MSTO1: variants seen among roughly 807,000 people sequenced by gnomAD.
MSTO1 encodes misato mitochondrial distribution and morphology regulator 1.
A neutral mutation model predicts 55.7 loss-of-function variants in MSTO1; 24 were observed. The ratio of observed to expected loss-of-function variants is 0.43; its 90% CI spans 0.31 to 0.61. The LOEUF is 0.61. Among genes scored for constraint, MSTO1 ranks in the 20% least tolerant of loss-of-function variants. MSTO1 has a pLI of 0.09. For synonymous variants in MSTO1, 162 were observed against 252.8 expected (o/e 0.64, Z 3.41); for missense variants, 363 against 625.7 (o/e 0.58, Z 4.48).
chr1:155,611,160 G>T, intron 3 of MSTO1, 52 bp downstream of exon 3: 1 of 1,473,054 alleles, frequency 6.8e-7, no homozygotes, highest in Non-Finnish European at 9.3e-7. Context: ...TACGCAGAAC[G>T]CTGGATAACT....
the MSTO1 span, among the ~76,000 whole-genome samples, chr1:155,602,715 T>C: frequency 6.6e-6 from 1 of 152,056 alleles, no homozygotes; most frequent in African/African-American, 2.4e-5. Context: ...CATTTATCCA[T>C]GTGAAATAAA....
the MSTO1 span, among the ~76,000 whole-genome samples, chr1:155,587,931 C>T: frequency 2.5e-3 from 386 of 151,866 alleles, 2 homozygotes; most frequent in African/African-American, 7.8e-3. Context: ...GCCAGGTGGG[C>T]GCGGTGGCTC....
the MSTO1 span, among the ~76,000 whole-genome samples, chr1:155,594,660 C>T: frequency 2.0e-5 from 3 of 151,656 alleles, no homozygotes; most frequent in Non-Finnish European, 4.4e-5. Context: ...CTGCATTGCC[C>T]ATCCTGATCT....
upstream of MSTO1, among the ~76,000 whole-genome samples, chr1:155,609,436 G>A (rs1007157102): frequency 1.6e-4 from 24 of 150,330 alleles, no homozygotes; most frequent in Non-Finnish European, 3.1e-4. Context: ...TTTTAGTAGA[G>A]ATGGGGTTTC....
chr1:155,568,752 G>A, the MSTO1 span, among the ~76,000 whole-genome samples: 1 of 151,810 alleles, frequency 6.6e-6, no homozygotes, highest in South Asian at 2.1e-4. Flanking sequence ...TTTTTGTTTT[G>A]TTTTGTTTTG....
At chr1:155,564,481 C>T in the MSTO1 span, among the ~76,000 whole-genome samples, 3 of 151,828 alleles carry the variant, frequency 2.0e-5, no homozygotes, top group Admixed American at 6.6e-5. Context: ...GCAACAAGAG[C>T]GAAACTCCAT....
At chr1:155,591,407 T>C in the MSTO1 span, 1 of 650,844 alleles carries the variant, frequency 1.5e-6, no homozygotes, top group Non-Finnish European at 2.6e-6. Context: ...TCTGGAACTG[T>C]ACAGAGGCAA....
chr1:155,585,331 T>G, the MSTO1 span, among the ~76,000 whole-genome samples: 25 of 152,098 alleles, frequency 1.6e-4, no homozygotes, highest in South Asian at 1.0e-3. Context: ...ATACCATCCT[T>G]GCTAACACGG....
At chr1:155,606,871 G>C (rs2148975451), upstream of MSTO1, among the ~76,000 whole-genome samples, 1 of 152,140 alleles carries the variant, frequency 6.6e-6, no homozygotes, top group East Asian at 1.9e-4. Flanking sequence ...GTCTCCATCT[G>C]TCGCACAGGC....
the MSTO1 span, chr1:155,563,604 T>A: frequency 2.2e-6 from 1 of 456,126 alleles, no homozygotes; most frequent in African/African-American, 2.0e-5. Flanking sequence ...GGATGGTACT[T>A]CTTCAGCCTC....
chr1:155,564,989 TGG>T, the MSTO1 span, among the ~76,000 whole-genome samples: 2 of 151,814 alleles, frequency 1.3e-5, no homozygotes, highest in Non-Finnish European at 2.9e-5. Context: ...GGCGTGGTGG[TGG>T]GCGCCTGTAA....
the MSTO1 span, among the ~76,000 whole-genome samples, chr1:155,568,577 T>G: frequency 6.6e-6 from 1 of 151,790 alleles, no homozygotes; most frequent in African/African-American, 2.4e-5. Context: ...TAGCTGGGAT[T>G]ACAGATGCTC....
chr1:155,582,306 C>T, the MSTO1 span, among the ~76,000 whole-genome samples: 1 of 152,174 alleles, frequency 6.6e-6, no homozygotes, highest in Non-Finnish European at 1.5e-5. Flanking sequence ...AGACTGAAAA[C>T]AGAAATCAGT....
chr1:155,613,469 A>T lies in MSTO1; in HGVS notation c.1291A>T (p.Thr431Ser), dbSNP rs765144096. 40 of 1,613,996 alleles carry T rather than the reference A, an allele frequency of 2.5e-5. No homozygotes were observed. The East Asian group carries it at 7.1e-4, about 29-fold the overall frequency. ...TTGGCTTTGTTCTGGCAGCCAGCTC[A>T]CCCCAGGGACACCTCCACCCTCTGC... ...IDRACHTSQL[T>S]PGTPPPSALH... Residue 431 changes from threonine (T) to serine (S), a missense_variant, in exon 12 of 14, where the codon ACC becomes TCC. Around this residue, in one of 3 missense-constraint regions of MSTO1, gnomAD observed 231 missense variants for 286.9 expected, o/e 0.81. Coordinates refer to ENST00000245564, the MANE Select transcript of MSTO1 (RefSeq NM_018116.4).
chr1:155,571,029 T>C, the MSTO1 span, among the ~76,000 whole-genome samples: 36 of 152,274 alleles, frequency 2.4e-4, no homozygotes, highest in African/African-American at 8.4e-4. Context: ...CACCTATAGC[T>C]ACAAGACTGA....
chr1:155,607,309 G>A (rs1243100401), upstream of MSTO1, among the ~76,000 whole-genome samples: 1 of 151,334 alleles, frequency 6.6e-6, no homozygotes, highest in African/African-American at 2.4e-5. Flanking sequence ...CAAGTAGCTG[G>A]GATTACAGGC....
At chr1:155,609,253 T>A (rs1184723488), upstream of MSTO1, among the ~76,000 whole-genome samples, 4 of 110,732 alleles carry the variant, frequency 3.6e-5, no homozygotes, top group East Asian at 7.8e-4. Context: ...ATTTTTTTTT[T>A]TTTTTTTTTT....
chr1:155,576,514 A>G, the MSTO1 span, among the ~76,000 whole-genome samples: 2 of 150,910 alleles, frequency 1.3e-5, no homozygotes, highest in African/African-American at 2.4e-5. Context: ...TTTAGTAGAG[A>G]TGGGGTTTCA....
the MSTO1 span, among the ~76,000 whole-genome samples, chr1:155,601,685 A>G: frequency 6.6e-6 from 1 of 152,208 alleles, no homozygotes; most frequent in Non-Finnish European, 1.5e-5. Context: ...CCCATAACTT[A>G]AAGAGGCTGG....
Sources: allele counts gnomAD v4.1 joint callset (sites outside exome capture counted in the v4.1 genomes callset), GRCh38; gene constraint gnomAD v4.1.1; regional missense constraint gnomAD v4.1.1; transcripts MANE v1.5; gene names NCBI Gene and HGNC (gene_info 2026-07-23, HGNC 2026-07-21).